Variants in MORN1 observed in about 807,000 individuals in gnomAD.
MORN1 encodes the protein MORN repeat containing 1.
A neutral mutation model predicts 61.9 loss-of-function variants in MORN1; 67 were observed. The observed-to-expected ratio is 1.08, with a 90% CI of 0.89 to 1.33. The LOEUF (loss-of-function observed/expected upper bound fraction) is 1.33. Among genes scored for constraint, MORN1 ranks in the 40% most tolerant of loss-of-function variants. The pLI is 0.00. For missense variants in MORN1, 752 were observed against 691.2 expected (o/e 1.09, Z -0.99); for synonymous variants, 301 against 292.0 (o/e 1.03, Z -0.31).
At chr1:2,368,142 C>A (rs576527451) in intron 8 of MORN1, among the ~76,000 whole-genome samples, 42 of 152,354 alleles carry the variant, frequency 2.8e-4, no homozygotes, top group Non-Finnish European at 4.0e-4. Flanking sequence ...AATTAGATAT[C>A]TGATAAGGGG....
rs115566075 is a variant in MORN1, at chr1:2,337,199, C to T, written c.1037-349G>A. 3.9e-3 allele frequency among the ~76,000 whole-genome samples: 595 copies of T among 152,324 alleles called. 6 individuals are homozygous for T. Among genetic ancestry groups the T allele is most frequent in the African/African-American group, 0.013 (522 of 41,556 alleles). Reference sequence around the variant, plus strand: ...CTCGCTTCCAGGGTAGGGCCGGGACCGGGGCCCTGGCCGGAGAGGCTGGCG... The same window carrying T: ...CTCGCTTCCAGGGTAGGGCCGGGACTGGGGCCCTGGCCGGAGAGGCTGGCG... On this transcript the variant is annotated intron_variant, in intron 10 of 13. Transcript: ENST00000378531. The surrounding 1 kb of genome is among the most constrained non-coding windows in gnomAD (Gnocchi z 5.7).
intron 12 of MORN1, among the ~76,000 whole-genome samples, chr1:2,325,218 T>C (rs1189960267): frequency 8.5e-6 from 1 of 117,040 alleles, no homozygotes; most frequent in East Asian, 2.7e-4. Flanking sequence ...CTTTCTTCTT[T>C]TCTTTCTCTC....
intron 3 of MORN1, chr1:2,388,035 A>T (rs1642547133): frequency 5.6e-6 from 3 of 531,964 alleles, no homozygotes; most frequent in Non-Finnish European, 1.0e-5. Context: ...TTATTCTAGA[A>T]AAGTGTCTCC....
intron 10 of MORN1, among the ~76,000 whole-genome samples, chr1:2,354,598 C>T (rs1002926480): frequency 1.3e-5 from 2 of 152,146 alleles, no homozygotes; most frequent in Non-Finnish European, 2.9e-5. Flanking sequence ...CCCTGGCCTC[C>T]CCCTCCTCTT....
Position 2,357,691 on chromosome 1 carries a change from TTGC to T in MORN1, c.870-96_870-94del. 5.0e-6 allele frequency: 7 copies of T among 1,412,370 alleles called. No individual in the cohort carries two copies. Among genetic ancestry groups the T allele is most frequent in the Admixed American group, 2.5e-5 (1 of 40,428 alleles). The allele number at this position is 1,412,370 out of a possible 1,614,324, so 87.5% of individuals were successfully genotyped here. A position where few individuals can be genotyped will look rare whatever the true frequency, so the allele number is the denominator to read the frequency against. On this transcript the variant is annotated intron_variant, in intron 9 of 13. Coordinates refer to ENST00000378531, the MANE Select transcript of MORN1 (RefSeq NM_024848.3). The surrounding 1 kb of genome is among the most constrained non-coding windows in gnomAD (Gnocchi z 6.3). ...TGGCCCACGCCCTGGACCCTGGGAC[TTGC>T]CTACACTGAGTCCAGGGAGCGCTAC...
At chr1:2,339,710 G>C (rs1034122478) in intron 10 of MORN1, among the ~76,000 whole-genome samples, 4 of 151,836 alleles carry the variant, frequency 2.6e-5, no homozygotes, top group Non-Finnish European at 5.9e-5. Flanking sequence ...GGTCCCCCTC[G>C]CCCTTCAGTC....
chr1:2,382,852 G>A (rs1570042710), intron 6 of MORN1, among the ~76,000 whole-genome samples: 1 of 152,204 alleles, frequency 6.6e-6, no homozygotes, highest in South Asian at 2.1e-4. Context: ...CAACTGCCCT[G>A]AGCAGGGCTG....
At chr1:2,331,876 C>G (rs371987951) in intron 12 of MORN1, among the ~76,000 whole-genome samples, 5,782 of 95,822 alleles carry the variant, frequency 0.06, 4 homozygotes, top group Non-Finnish European at 0.071. Context: ...CCCTCGTGCG[C>G]CTCTCCCGCC....
At chr1:2,339,493 T>G (rs1240043982) in intron 10 of MORN1, among the ~76,000 whole-genome samples, 2 of 152,110 alleles carry the variant, frequency 1.3e-5, no homozygotes, top group Admixed American at 1.3e-4. Context: ...AAGCTGAAAG[T>G]TGGGGGTCAG....
chr1:2,383,669 T>G (rs532603450), intron 6 of MORN1, among the ~76,000 whole-genome samples: 1 of 152,352 alleles, frequency 6.6e-6, no homozygotes, highest in East Asian at 1.9e-4. Context: ...GCGCTGCGTT[T>G]AGAGACCTGC....
intron 6 of MORN1, among the ~76,000 whole-genome samples, chr1:2,382,513 A>G (rs1642396302): frequency 6.6e-6 from 1 of 151,920 alleles, no homozygotes; most frequent in Non-Finnish European, 1.5e-5. Flanking sequence ...TAGCCCTGCA[A>G]GGCGAGGGAA....
rs987840405 is a variant in MORN1 at position 2,321,306 on chromosome 1, C to T, written c.*77G>A. 3.2e-5 allele frequency: 35 copies of T among 1,107,378 alleles called. No individual in the cohort carries two copies. Among genetic ancestry groups the T allele is most frequent in the South Asian group, 2.3e-4 (14 of 60,292 alleles). The allele number at this position is 1,107,378 out of a possible 1,614,324, so 68.6% of individuals were successfully genotyped here. The stretch of plus-strand genomic sequence containing the variant: ...CAGCAACCACGGGGCTCTGGAGAAT[C>T]GGGGAGCAGAGTCACGCAAGCAGAG... On this transcript the variant is annotated 3_prime_UTR_variant, in exon 14 of 14. Coordinates refer to ENST00000378531, the MANE Select transcript of MORN1 (RefSeq NM_024848.3).
intron 10 of MORN1, among the ~76,000 whole-genome samples, chr1:2,349,588 C>T (rs1396178452): frequency 6.6e-6 from 1 of 152,144 alleles, no homozygotes; most frequent in African/African-American, 2.4e-5. Flanking sequence ...ACAAACATTC[C>T]TTTAAAAATA....
Position 2,351,117 on chromosome 1 carries a change from G to A in MORN1, c.1036+6315C>T, listed in dbSNP as rs551797973. The A allele has an allele frequency of 2.6e-3, 391 of 152,704 alleles. 1 individual carries two copies. Among genetic ancestry groups the A allele is most frequent in the Non-Finnish European group, 4.8e-3 (328 of 68,362 alleles). The allele number at this position is 152,704 out of a possible 1,614,324, so 9.5% of individuals were successfully genotyped here. On this transcript the variant is annotated intron_variant, in intron 10 of 13. Transcript: ENST00000378531. ...GCACGACCCCCGGGACGGAGGCCAC[G>A]GTGAGGCCTGTTGGCTGTCCTGCCA...
At chr1:2,324,952 G>T (rs1640970288) in intron 12 of MORN1, among the ~76,000 whole-genome samples, 1 of 141,012 alleles carries the variant, frequency 7.1e-6, no homozygotes, top group African/African-American at 2.8e-5. Context: ...CGGGGAGGAG[G>T]CAGTCCCTGC....
chr1:2,388,055 A>C, intron 3 of MORN1, 184 bp downstream of exon 3: 1 of 546,652 alleles, frequency 1.8e-6, no homozygotes, highest in South Asian at 2.6e-5. Context: ...CGGAAGCCTG[A>C]GTTGCTCTCA....
intron 6 of MORN1, 27 bp from the exon 7 acceptor site, chr1:2,374,584 C>T: frequency 6.4e-7 from 1 of 1,562,222 alleles, no homozygotes; most frequent in South Asian, 1.2e-5. Flanking sequence ...GAGGCTCAGG[C>T]TGGTGGCTCC....
chr1:2,336,745 GGGTGGTACCCAGGCGGGGGC>G lies in MORN1; in HGVS notation c.1122_1141del (p.Pro375LeufsTer38). 1 of 1,593,902 alleles carries G rather than the reference GGGTGGTACCCAGGCGGGGGC, an allele frequency of 6.3e-7. No individual in the cohort carries two copies. The highest frequency in any genetic ancestry group is 2.2e-5 in the East Asian group (1 of 44,758). ...GTGGAGGCTGTCCAGGAACAGGAAG[GGGTGGTACCCAGGCGGGGGC>G]GGCCCCAGGAGGACATCTGTGAACT... is the stretch of plus-strand genomic sequence containing the variant. On this transcript the variant is annotated frameshift_variant, in exon 11 of 14. Coordinates refer to ENST00000378531, the MANE Select transcript of MORN1 (RefSeq NM_024848.3). LOFTEE classifies it high-confidence loss of function.
chr1:2,328,249 C>T (rs1259710430), intron 12 of MORN1, among the ~76,000 whole-genome samples: 1 of 152,262 alleles, frequency 6.6e-6, no homozygotes, highest in East Asian at 1.9e-4. Flanking sequence ...AGTTTGCTGC[C>T]AGGCCAGGGA....
Sources: gnomAD v4.1 joint callset for allele counts (sites outside exome capture counted in the v4.1 genomes callset) on GRCh38, gnomAD v4.1.1 for gene constraint, Gnocchi (gnomAD v3.1) non-coding constraint, MANE v1.5 for transcripts, NCBI Gene and HGNC (gene_info 2026-07-23, HGNC 2026-07-21) for gene names.